The following DCC variants were observed in gnomAD, a reference collection of about 807,000 sequenced individuals.
DCC encodes DCC netrin 1 receptor.
In DCC, 58 loss-of-function variants were observed where a neutral mutation model predicts 172.5. That is an observed-to-expected ratio of 0.34 (90% CI 0.27 to 0.42). The LOEUF (loss-of-function observed/expected upper bound fraction) is 0.42, where lower values mean the gene tolerates loss of function less well. DCC is among the 10% of genes least tolerant of loss of function. The pLI is 1.00. For missense variants in DCC, 1,740 were observed against 1,791.0 expected (o/e 0.97, Z 0.51); for synonymous variants, 709 against 644.5 (o/e 1.10, Z -1.52).
At chr18:53,468,355 T>TTTATTTA (rs1203429208) in intron 25 of DCC, among the ~76,000 whole-genome samples, 2 of 74,472 alleles carry the variant, frequency 2.7e-5, no homozygotes, top group African/African-American at 1.1e-4. Flanking sequence ...TATTTATTTA[T>TTTATTTA]TTATTTATTT....
chr18:52,717,669 C>A (rs578170283), intron 1 of DCC, among the ~76,000 whole-genome samples: 2 of 152,028 alleles, frequency 1.3e-5, no homozygotes, highest in African/African-American at 4.8e-5. Flanking sequence ...ATGTCTCCAG[C>A]GGACTTTTAA....
chr18:53,031,200 A>G (rs2042021354), intron 5 of DCC, among the ~76,000 whole-genome samples: 2 of 152,206 alleles, frequency 1.3e-5, no homozygotes, highest in African/African-American at 2.4e-5. Context: ...CAGAGGTTGC[A>G]GTGAGCTGAG....
At chr18:53,232,946 TCCCC>T in intron 12 of DCC, among the ~76,000 whole-genome samples, 1 of 141,852 alleles carries the variant, frequency 7.0e-6, no homozygotes, top group African/African-American at 2.6e-5. Flanking sequence ...TTTTTTTTTT[TCCCC>T]AGGTATTATT....
At chr18:53,431,409 A>T (rs936488446) in intron 21 of DCC, among the ~76,000 whole-genome samples, 1 of 152,072 alleles carries the variant, frequency 6.6e-6, no homozygotes, top group Non-Finnish European at 1.5e-5. Context: ...GGTACATAGT[A>T]ATCCAATACA....
chr18:53,320,057 T>C (rs889249468), intron 13 of DCC, among the ~76,000 whole-genome samples: 3 of 142,028 alleles, frequency 2.1e-5, no homozygotes, highest in Non-Finnish European at 3.0e-5. Flanking sequence ...AACTTCTACA[T>C]AACGCAAGAG....
chr18:52,652,684 G>C (rs1205473017), intron 1 of DCC, among the ~76,000 whole-genome samples: 2 of 146,996 alleles, frequency 1.4e-5, no homozygotes, highest in African/African-American at 5.1e-5. Context: ...CAGGGAATCA[G>C]AGTACATTAC....
chr18:52,849,334 T>A (rs182149457), intron 2 of DCC, among the ~76,000 whole-genome samples: 53 of 152,270 alleles, frequency 3.5e-4, no homozygotes, highest in Non-Finnish European at 5.9e-4. Flanking sequence ...AGGAATGCCT[T>A]TCCTGCTTAA....
chr18:53,411,249 G>T (rs1473102616), intron 20 of DCC, among the ~76,000 whole-genome samples: 1 of 152,058 alleles, frequency 6.6e-6, no homozygotes, highest in Non-Finnish European at 1.5e-5. Context: ...TTAGAGCACA[G>T]TATTATTTTT....
intron 2 of DCC, among the ~76,000 whole-genome samples, chr18:52,793,130 A>G (rs1169554931): frequency 1.3e-5 from 2 of 152,210 alleles, no homozygotes; most frequent in Non-Finnish European, 2.9e-5. Flanking sequence ...GGACCCACAG[A>G]TTGGTTTGAT....
At chr18:53,259,673 C>T (rs1288533267) in intron 12 of DCC, among the ~76,000 whole-genome samples, 2 of 152,118 alleles carry the variant, frequency 1.3e-5, no homozygotes, top group African/African-American at 4.8e-5. Flanking sequence ...TTTGGTGAAT[C>T]TGACAATTAA....
At chr18:53,127,159 A>AT (rs1323266891) in intron 7 of DCC, among the ~76,000 whole-genome samples, 8 of 146,078 alleles carry the variant, frequency 5.5e-5, no homozygotes, top group Admixed American at 4.1e-4. Flanking sequence ...TTTCATTTAA[A>AT]TTTTTTTTTC....
chr18:52,629,118 A>T (rs1395078597), intron 1 of DCC, among the ~76,000 whole-genome samples: 3 of 152,198 alleles, frequency 2.0e-5, no homozygotes, highest in African/African-American at 7.2e-5. Context: ...CAAGAACTGG[A>T]AGAAATTTGA....
intron 2 of DCC, among the ~76,000 whole-genome samples, chr18:52,761,921 A>AAAG (rs1326375199): frequency 3.6e-5 from 5 of 138,954 alleles, no homozygotes; most frequent in African/African-American, 1.1e-4. Context: ...AAAAAAAAAA[A>AAAG]AAAAGAAAAA....
At chr18:52,876,301 T>C (rs1025533209) in intron 2 of DCC, among the ~76,000 whole-genome samples, 2 of 152,202 alleles carry the variant, frequency 1.3e-5, no homozygotes, top group Non-Finnish European at 1.5e-5. Context: ...GATTCCACTT[T>C]GGTGCTGATC....
Position 53,255,802 on chromosome 18 carries a change from T to C in DCC, c.1911+40205T>C, listed in dbSNP as rs541410519. 1.3e-4 allele frequency among the ~76,000 whole-genome samples: 20 copies of C among 152,300 alleles called. No homozygotes were observed. In the East Asian group the frequency reaches 2.7e-3, roughly 21 times the overall value. On this transcript the variant is annotated intron_variant, in intron 12 of 28. Transcript: ENST00000442544. ...GGAATCGCCACACCAACTTCCAAAA[T>C]GGTTGAACTAGTTTACAGTTCCACC...
intron 21 of DCC, among the ~76,000 whole-genome samples, chr18:53,419,444 C>G (rs1910508231): frequency 6.6e-6 from 1 of 152,124 alleles, no homozygotes; most frequent in Non-Finnish European, 1.5e-5. Context: ...CCCCAGCCCC[C>G]CACTACCATT....
chr18:52,562,767 T>C (rs2033067753), intron 1 of DCC, among the ~76,000 whole-genome samples: 1 of 152,102 alleles, frequency 6.6e-6, no homozygotes, highest in African/African-American at 2.4e-5. Context: ...AAAAGAACAA[T>C]TTTAATCATT....
At chr18:53,468,384 A>ATTTAT (rs2045653002) in intron 25 of DCC, among the ~76,000 whole-genome samples, 1 of 144,266 alleles carries the variant, frequency 6.9e-6, no homozygotes, top group Admixed American at 6.9e-5. Flanking sequence ...TATTTATTTT[A>ATTTAT]TTTATTTATT....
chr18:52,633,896 G>A (rs2034723015), intron 1 of DCC, among the ~76,000 whole-genome samples: 1 of 152,226 alleles, frequency 6.6e-6, no homozygotes, highest in Non-Finnish European at 1.5e-5. Context: ...GTGCTGTAAC[G>A]CTAGCACAGC....
Sources: gnomAD v4.1 joint callset for allele counts (sites outside exome capture counted in the v4.1 genomes callset) on GRCh38, gnomAD v4.1.1 for gene constraint, MANE v1.5 for transcripts, NCBI Gene and HGNC (gene_info 2026-07-23, HGNC 2026-07-21) for gene names.